PRKCE: variants seen among roughly 807,000 people sequenced by gnomAD.
The protein encoded by PRKCE is protein kinase C epsilon, also known as protein kinase C epsilon type.
A neutral mutation model predicts 85.4 loss-of-function variants in PRKCE; 16 were observed. The ratio of observed to expected loss-of-function variants is 0.19; its 90% CI spans 0.13 to 0.28. The LOEUF (loss-of-function observed/expected upper bound fraction) is 0.28, where lower values mean the gene tolerates loss of function less well. Among genes scored for constraint, PRKCE ranks in the 10% least tolerant of loss-of-function variants. The pLI, the probability that PRKCE is intolerant of heterozygous loss-of-function variation, is 1.00. For missense variants in PRKCE, 573 were observed against 975.2 expected, an observed-to-expected ratio of 0.59 and a Z score of 5.49; for synonymous variants, 388 against 371.5, an observed-to-expected ratio of 1.04 and a Z score of -0.51.
At chr2:46,012,394 T>A (rs2104811170) in intron 10 of PRKCE, among the ~76,000 whole-genome samples, 1 of 152,228 alleles carries the variant, frequency 6.6e-6, no homozygotes, top group East Asian at 1.9e-4. Flanking sequence ...GCACTCCATC[T>A]TGGCAGAGTC....
rs1697059243 is a variant in PRKCE at position 45,907,404 on chromosome 2, A to C, written c.412+64341A>C. On this transcript the variant is annotated intron_variant, in intron 2 of 14. Transcript: ENST00000306156. The surrounding 1 kb of genome is among the most constrained non-coding windows in gnomAD (Gnocchi z 4.5). ...AGCCAAGAACATCTGCGAGTCCTGC[A>C]TTGCATTTGCTGAATAGCTGTTGGG... Among the ~76,000 whole-genome samples, 1 of 152,222 alleles carries C rather than the reference A, an allele frequency of 6.6e-6. No individual in the cohort carries two copies. The highest frequency in any genetic ancestry group is 2.4e-5 in the African/African-American group (1 of 41,454).
At chr2:45,912,213 C>G (rs181462044) in intron 2 of PRKCE, among the ~76,000 whole-genome samples, 1 of 152,226 alleles carries the variant, frequency 6.6e-6, no homozygotes, top group Non-Finnish European at 1.5e-5. Context: ...CTACAACACT[C>G]TGAAGATAGG....
chr2:46,075,649 TGA>T (rs1469062808), intron 10 of PRKCE, among the ~76,000 whole-genome samples: 1 of 152,032 alleles, frequency 6.6e-6, no homozygotes, highest in Admixed American at 6.6e-5. Context: ...CTCAGGAGAC[TGA>T]GGTGAGAGGA....
chr2:45,795,874 G>T (rs966150270), intron 1 of PRKCE, among the ~76,000 whole-genome samples: 3 of 152,220 alleles, frequency 2.0e-5, no homozygotes, highest in African/African-American at 7.2e-5. Context: ...CTGCAGGTTT[G>T]CACAGCTTTT....
intron 1 of PRKCE, among the ~76,000 whole-genome samples, chr2:45,654,597 T>C (rs938847792): frequency 6.6e-6 from 1 of 152,264 alleles, no homozygotes; most frequent in African/African-American, 2.4e-5. Flanking sequence ...ATGTGCTGTG[T>C]CCCTGACATT....
At chr2:45,916,673 A>G (rs539377245) in intron 2 of PRKCE, among the ~76,000 whole-genome samples, 15 of 152,332 alleles carry the variant, frequency 9.8e-5, no homozygotes, top group African/African-American at 3.6e-4. Flanking sequence ...CTTAGATTAC[A>G]GTACATTTAA....
At chr2:45,670,414 A>G (rs1676104595) in intron 1 of PRKCE, among the ~76,000 whole-genome samples, 2 of 152,210 alleles carry the variant, frequency 1.3e-5, no homozygotes. Context: ...GGATCTCTAC[A>G]ACAATTTTAA....
At chr2:46,142,117 A>G (rs1388778069) in intron 11 of PRKCE, among the ~76,000 whole-genome samples, 1 of 152,104 alleles carries the variant, frequency 6.6e-6, no homozygotes. Context: ...GGAATCTCTT[A>G]GGGAAGGACT....
chr2:45,966,639 G>A (rs1701749890), intron 2 of PRKCE, among the ~76,000 whole-genome samples: 1 of 152,136 alleles, frequency 6.6e-6, no homozygotes, highest in African/African-American at 2.4e-5. Flanking sequence ...CAACCCCAGG[G>A]TTTTCCTCAA....
chr2:45,690,990 A>C (rs1677682753), intron 1 of PRKCE, among the ~76,000 whole-genome samples: 1 of 152,262 alleles, frequency 6.6e-6, no homozygotes, highest in African/African-American at 2.4e-5. Flanking sequence ...ATTTACCAAA[A>C]AGCTTCAAAA....
intron 11 of PRKCE, among the ~76,000 whole-genome samples, chr2:46,132,346 T>C (rs1463237033): frequency 1.3e-5 from 2 of 152,146 alleles, no homozygotes; most frequent in African/African-American, 4.8e-5. Flanking sequence ...ATATCACACC[T>C]AGTCAGCATG....
At chr2:45,852,443 G>A (rs1692345876) in intron 2 of PRKCE, among the ~76,000 whole-genome samples, 1 of 152,142 alleles carries the variant, frequency 6.6e-6, no homozygotes, top group South Asian at 2.1e-4. Context: ...TTGATTGACC[G>A]ATTCATTCAA....
chr2:45,688,137 A>G (rs1677444699), intron 1 of PRKCE, among the ~76,000 whole-genome samples: 1 of 152,224 alleles, frequency 6.6e-6, no homozygotes, highest in Non-Finnish European at 1.5e-5. Flanking sequence ...TTTGACTCAG[A>G]TAATGATGCC....
At chr2:45,842,903 T>G in intron 1 of PRKCE, 97 bp from the exon 2 acceptor site, 2 of 1,095,070 alleles carry the variant, frequency 1.8e-6, no homozygotes, top group Non-Finnish European at 2.8e-6. Flanking sequence ...TGGAGCTGTG[T>G]CTCTAGGTTT....
chr2:45,744,513 TTTC>T (rs1682952053), intron 1 of PRKCE, among the ~76,000 whole-genome samples: 6 of 51,620 alleles, frequency 1.2e-4, no homozygotes, highest in African/African-American at 4.6e-4. Flanking sequence ...TCTTTCTTTC[TTTC>T]TTTCTTTCTT....
chr2:46,182,509 C>A (rs1680091668), intron 14 of PRKCE, among the ~76,000 whole-genome samples: 1 of 152,154 alleles, frequency 6.6e-6, no homozygotes, highest in Non-Finnish European at 1.5e-5. Flanking sequence ...ATCATGGACA[C>A]CCCTCAGCTA....
chr2:45,989,327 C>G (rs971608332), intron 6 of PRKCE, among the ~76,000 whole-genome samples: 5 of 152,196 alleles, frequency 3.3e-5, no homozygotes, highest in African/African-American at 1.2e-4. Flanking sequence ...CTCTGATCTG[C>G]GGCTGTTTTC....
chr2:45,797,108 G>A (rs1190660633), intron 1 of PRKCE, among the ~76,000 whole-genome samples: 7 of 152,314 alleles, frequency 4.6e-5, no homozygotes, highest in Admixed American at 1.3e-4. Context: ...GCTGTCTAGC[G>A]TTTGATGTTT....
chr2:46,006,433 C>T (rs1705206796), intron 8 of PRKCE, among the ~76,000 whole-genome samples: 1 of 152,122 alleles, frequency 6.6e-6, no homozygotes, highest in African/African-American at 2.4e-5. Flanking sequence ...TCAGAGGAGC[C>T]AAACTCCAGA....
Sources: allele counts gnomAD v4.1 joint callset (sites outside exome capture counted in the v4.1 genomes callset), GRCh38; gene constraint gnomAD v4.1.1; non-coding constraint Gnocchi (gnomAD v3.1); transcripts MANE v1.5; gene names NCBI Gene and HGNC (gene_info 2026-07-23, HGNC 2026-07-21).